The following ENTPD1 variants were observed in gnomAD, a reference collection of about 807,000 sequenced individuals.
The protein encoded by ENTPD1 is ectonucleoside triphosphate diphosphohydrolase 1.
ENTPD1 carries 33 observed loss-of-function variants against 57.0 expected under a neutral mutation model. The observed-to-expected ratio is 0.58, with a 90% CI of 0.44 to 0.77. ENTPD1 has a LOEUF of 0.77. Ranked by LOEUF, ENTPD1 falls within the 30% of genes least tolerant of loss-of-function variation. ENTPD1 has a pLI of 0.00. For synonymous variants in ENTPD1, 202 were observed against 218.8 expected, an observed-to-expected ratio of 0.92 and a Z score of 0.68; for missense variants, 501 against 603.4, an observed-to-expected ratio of 0.83 and a Z score of 1.78.
chr10:95,849,450 C>A (rs994047202), intron 7 of ENTPD1, among the ~76,000 whole-genome samples: 17 of 152,170 alleles, frequency 1.1e-4, no homozygotes, highest in African/African-American at 4.1e-4. Flanking sequence ...TCAGCTCCTC[C>A]CCTCCAGGAC....
chr10:95,707,140 A>G (rs1053785539), upstream of ENTPD1, among the ~76,000 whole-genome samples: 1 of 152,134 alleles, frequency 6.6e-6, no homozygotes, highest in Non-Finnish European at 1.5e-5. Flanking sequence ...TGCCTGCTCC[A>G]TGCAGCGGGG....
At chr10:95,798,882 T>A (rs936620797) in intron 1 of ENTPD1, among the ~76,000 whole-genome samples, 1 of 152,234 alleles carries the variant, frequency 6.6e-6, no homozygotes, top group Admixed American at 6.5e-5. Context: ...CTTCTGTGGC[T>A]GCACCACTCC....
At chr10:95,760,608 A>T (rs2098053678) in intron 1 of ENTPD1, among the ~76,000 whole-genome samples, 1 of 152,086 alleles carries the variant, frequency 6.6e-6, no homozygotes, top group Non-Finnish European at 1.5e-5. Context: ...AATCATTGTG[A>T]TTGGTATTGC....
chr10:95,796,509 T>C (rs2098226686), intron 1 of ENTPD1, among the ~76,000 whole-genome samples: 1 of 151,954 alleles, frequency 6.6e-6, no homozygotes, highest in African/African-American at 2.4e-5. Context: ...GGCAGGAGGA[T>C]AGGAAAAAAA....
chr10:95,864,665 G>C, intron 8 of ENTPD1, 59 bp from the exon 9 acceptor site: 2 of 1,609,882 alleles, frequency 1.2e-6, no homozygotes, highest in Non-Finnish European at 1.7e-6. Flanking sequence ...TAGAGAAAAA[G>C]AGGGCCACAG....
chr10:95,758,279 C>T (rs2098039150), intron 1 of ENTPD1, among the ~76,000 whole-genome samples: 1 of 152,126 alleles, frequency 6.6e-6, no homozygotes, highest in Admixed American at 6.5e-5. Context: ...TCAGCTCCAC[C>T]ATTTACTGTG....
intron 1 of ENTPD1, among the ~76,000 whole-genome samples, chr10:95,760,335 G>A (rs2098051563): frequency 6.6e-6 from 1 of 152,184 alleles, no homozygotes; most frequent in African/African-American, 2.4e-5. Flanking sequence ...TCCCAGCAGT[G>A]CTTGAAGATC....
At position 95,874,920 on chromosome 10, in the gene ENTPD1, G is replaced by A. The variant is rs1177253259; in HGVS notation, c.*8537G>A. Among the ~76,000 whole-genome samples the A allele has an allele frequency of 6.6e-6, 1 of 152,190 alleles. No homozygotes were observed. The highest frequency in any genetic ancestry group is 2.4e-5 in the African/African-American group (1 of 41,458). On this transcript the variant is annotated 3_prime_UTR_variant, in exon 10 of 10. Transcript: ENST00000371205. ...CCTTTCAGCCATGGCTGGAGCAGCTGGGACACAGGGCACCAAGTCCCTAGG... is the reference window on the plus strand; with the variant it reads ...CCTTTCAGCCATGGCTGGAGCAGCTAGGACACAGGGCACCAAGTCCCTAGG...
chr10:95,819,596 C>T (rs1357472710), intron 1 of ENTPD1, among the ~76,000 whole-genome samples: 2 of 152,202 alleles, frequency 1.3e-5, no homozygotes, highest in African/African-American at 4.8e-5. Flanking sequence ...TTTCCTCTGA[C>T]ACAGCTAATT....
At chr10:95,858,998 G>A (rs1393391764) in intron 7 of ENTPD1, among the ~76,000 whole-genome samples, 2 of 152,040 alleles carry the variant, frequency 1.3e-5, no homozygotes, top group African/African-American at 2.4e-5. Flanking sequence ...ATGATTATAG[G>A]AGCATGGGAA....
intron 1 of ENTPD1, among the ~76,000 whole-genome samples, chr10:95,720,001 A>G (rs970280959): frequency 5.3e-5 from 8 of 152,158 alleles, no homozygotes; most frequent in African/African-American, 1.9e-4. Flanking sequence ...TGGAGGGACA[A>G]TGGCCTCACT....
intron 1 of ENTPD1, among the ~76,000 whole-genome samples, chr10:95,729,919 T>G (rs935807433): frequency 6.6e-6 from 1 of 152,240 alleles, no homozygotes; most frequent in Non-Finnish European, 1.5e-5. Flanking sequence ...CTTAGTGATA[T>G]CCCGATTCCT....
chr10:95,789,276 A>G (rs961764251), intron 1 of ENTPD1, among the ~76,000 whole-genome samples: 3 of 152,214 alleles, frequency 2.0e-5, no homozygotes, highest in Non-Finnish European at 4.4e-5. Context: ...TTGGTAATCT[A>G]AATAGTAAAA....
intron 5 of ENTPD1, 21 bp from the exon 6 acceptor site, chr10:95,845,336 G>A: frequency 1.2e-6 from 2 of 1,614,064 alleles, no homozygotes; most frequent in South Asian, 2.2e-5. Context: ...TTCTAGCACT[G>A]GTAACTGTAC....
rs1566271046 is a variant in ENTPD1 at position 95,872,151 on chromosome 10, G to A, written c.*5768G>A. ...AAAGAGCTGTAATATATTTTACCTG[G>A]ACTGATACCAGGAATGGTGGTGTTG... On this transcript the variant is annotated 3_prime_UTR_variant, in exon 10 of 10. Coordinates refer to ENST00000371205, the MANE Select transcript of ENTPD1 (RefSeq NM_001776.6). 2 of 985,266 alleles carry A rather than the reference G, an allele frequency of 2.0e-6. No homozygotes were observed. Among genetic ancestry groups the A allele is most frequent in the Admixed American group, 1.2e-4 (2 of 16,256 alleles). The allele number at this position is 985,266 out of a possible 1,614,324, so 61.0% of individuals were successfully genotyped here.
chr10:95,806,259 A>T (rs1177526173), intron 1 of ENTPD1, among the ~76,000 whole-genome samples: 2 of 152,182 alleles, frequency 1.3e-5, no homozygotes, highest in Non-Finnish European at 2.9e-5. Context: ...AATCATTGAT[A>T]CCCTTTCTTC....
chr10:95,855,383 T>A (rs916187230), intron 7 of ENTPD1, among the ~76,000 whole-genome samples: 1 of 152,106 alleles, frequency 6.6e-6, no homozygotes, highest in Non-Finnish European at 1.5e-5. Context: ...GTCTTGACTC[T>A]TTATCCAATT....
rs2098476824 is a variant in ENTPD1 at position 95,868,505 on chromosome 10, CGAT to C, written c.*2131_*2133del. 1.0e-6 allele frequency: 1 copy of C among 985,156 alleles called. No homozygotes were observed. Among genetic ancestry groups the C allele is most frequent in the Non-Finnish European group, 1.2e-6 (1 of 829,922 alleles). The allele number at this position is 985,156 out of a possible 1,614,324, so 61.0% of individuals were successfully genotyped here. The stretch of plus-strand genomic sequence containing the variant: ...TAGTAGATTGACATCAAATAGTGGC[CGAT>C]GATGATGAAAATAAAGGTCAAATAA... On this transcript the variant is annotated 3_prime_UTR_variant, in exon 10 of 10. Transcript: ENST00000371205.
At chr10:95,847,731 T>A in intron 7 of ENTPD1, 25 bp downstream of exon 7, 1 of 1,614,074 alleles carries the variant, frequency 6.2e-7, no homozygotes, top group Non-Finnish European at 8.5e-7. Flanking sequence ...TGATGAGGTA[T>A]AGGATGTCTT....
Sources: allele counts gnomAD v4.1 joint callset (sites outside exome capture counted in the v4.1 genomes callset), GRCh38; gene constraint gnomAD v4.1.1; transcripts MANE v1.5; gene names NCBI Gene and HGNC (gene_info 2026-07-23, HGNC 2026-07-21).